CADPS: variants seen among roughly 807,000 people sequenced by gnomAD.
The protein encoded by CADPS is calcium-dependent secretion activator 1.
CADPS carries 57 observed loss-of-function variants against 167.3 expected under a neutral mutation model. That is an observed-to-expected ratio of 0.34 (90% CI 0.28 to 0.42). CADPS has a LOEUF of 0.42. CADPS is among the 20% of genes least tolerant of loss of function. CADPS has a pLI of 1.00. For synonymous variants in CADPS, 676 were observed against 635.3 expected (o/e 1.06, Z -0.96); for missense variants, 1,414 against 1,738.1 (o/e 0.81, Z 3.32).
intron 24 of CADPS, 159 bp from the exon 25 acceptor site, chr3:62,466,572 CT>C: frequency 7.3e-6 from 5 of 681,364 alleles, no homozygotes. Context: ...GACTCCAGTT[CT>C]TTGATAGAGA....
chr3:62,823,102 A>G (rs1358304499), intron 1 of CADPS, among the ~76,000 whole-genome samples: 2 of 152,134 alleles, frequency 1.3e-5, no homozygotes, highest in African/African-American at 2.4e-5. Context: ...AAGAATATCT[A>G]TTATCTTTTC....
At chr3:62,430,049 A>G (rs1321273397) in intron 28 of CADPS, among the ~76,000 whole-genome samples, 1 of 152,218 alleles carries the variant, frequency 6.6e-6, no homozygotes, top group Non-Finnish European at 1.5e-5. Context: ...CTACTTGAAG[A>G]TATGTTACAG....
intron 3 of CADPS, among the ~76,000 whole-genome samples, chr3:62,674,516 TG>T (rs2076047240): frequency 6.6e-6 from 1 of 152,190 alleles, no homozygotes; most frequent in East Asian, 1.9e-4. Context: ...GATTAAGACC[TG>T]TCAAAGAAAC....
At chr3:62,799,000 A>G (rs2093613143) in intron 1 of CADPS, among the ~76,000 whole-genome samples, 1 of 152,164 alleles carries the variant, frequency 6.6e-6, no homozygotes, top group African/African-American at 2.4e-5. Flanking sequence ...AGCCATTCCT[A>G]GTATTACCCT....
chr3:62,474,403 A>T, intron 23 of CADPS, 83 bp from the exon 24 acceptor site: 1 of 1,305,872 alleles, frequency 7.7e-7, no homozygotes, highest in Non-Finnish European at 1.1e-6. Flanking sequence ...GGTCAGTGAA[A>T]AAGAAAATTG....
chr3:62,519,295 T>C (rs2069817445), intron 13 of CADPS, among the ~76,000 whole-genome samples: 1 of 152,180 alleles, frequency 6.6e-6, no homozygotes, highest in East Asian at 1.9e-4. Flanking sequence ...TGGTCTTATT[T>C]ATAGGCCTTC....
At chr3:62,401,161 C>A (rs185578221) in intron 29 of CADPS, among the ~76,000 whole-genome samples, 9 of 152,054 alleles carry the variant, frequency 5.9e-5, no homozygotes, top group Admixed American at 3.3e-4. Flanking sequence ...TTGATGGGGA[C>A]GGGTAAGAGA....
At chr3:62,709,255 C>A (rs2082921969) in intron 3 of CADPS, among the ~76,000 whole-genome samples, 1 of 152,098 alleles carries the variant, frequency 6.6e-6, no homozygotes, top group Admixed American at 6.5e-5. Context: ...CATGCGTGAT[C>A]AGACTTTGAA....
intron 29 of CADPS, among the ~76,000 whole-genome samples, chr3:62,401,979 T>C (rs1028055530): frequency 6.6e-6 from 1 of 152,030 alleles, no homozygotes; most frequent in Non-Finnish European, 1.5e-5. Context: ...CACTTGACGA[T>C]TGAGCTGGTC....
intron 1 of CADPS, among the ~76,000 whole-genome samples, chr3:62,774,630 T>A (rs1003501306): frequency 1.3e-5 from 2 of 152,262 alleles, no homozygotes; most frequent in African/African-American, 4.8e-5. Context: ...CATCATATGT[T>A]AAACTGAAAT....
chr3:62,509,565 T>G (rs1396593141), intron 17 of CADPS, among the ~76,000 whole-genome samples: 1 of 152,100 alleles, frequency 6.6e-6, no homozygotes, highest in Admixed American at 6.5e-5. Flanking sequence ...ATACAAAACC[T>G]CAACATCACA....
At position 62,875,148 on chromosome 3, in the gene CADPS, G is replaced by C. The variant is rs1259973325; in HGVS notation, c.-119C>G. 1.6e-6 allele frequency: 2 copies of C among 1,258,146 alleles called. No individual in the cohort carries two copies. The highest frequency in any genetic ancestry group is 7.0e-5 in the East Asian group (2 of 28,502). The allele number at this position is 1,258,146 out of a possible 1,614,324, so 77.9% of individuals were successfully genotyped here. A position where few individuals can be genotyped will look rare whatever the true frequency, so the allele number is the denominator to read the frequency against. ...TGGGCGCTTCTCCCCAGGTCAGGGA[G>C]CGAGAGCGCTGCTGCTCAGCCTCGG... is the stretch of plus-strand genomic sequence containing the variant. On this transcript the variant is annotated 5_prime_UTR_variant, in exon 1 of 30. Coordinates refer to ENST00000383710, the MANE Select transcript of CADPS (RefSeq NM_003716.4).
In CADPS at chr3:62,536,440, C is replaced by T; in HGVS notation, c.2103+5G>A. The T allele has an allele frequency of 6.2e-7, 1 of 1,611,890 alleles. No individual in the cohort carries two copies. The highest frequency in any genetic ancestry group is 8.5e-7 in the Non-Finnish European group (1 of 1,178,598). ...AAATTGCTGTAGACCAAAGAATATA[C>T]TTGCCAGGCAAGAATAGGAATCATT... On this transcript the variant is annotated splice_donor_5th_base_variant and intron_variant, in intron 12 of 29. Transcript: ENST00000383710.
intron 8 of CADPS, among the ~76,000 whole-genome samples, chr3:62,573,671 C>T (rs1268924265): frequency 6.6e-6 from 1 of 152,196 alleles, no homozygotes; most frequent in East Asian, 1.9e-4. Flanking sequence ...CTTCTCCCTG[C>T]TCCTCATGGG....
intron 11 of CADPS, among the ~76,000 whole-genome samples, chr3:62,543,718 T>C (rs1480732197): frequency 6.6e-6 from 1 of 152,086 alleles, no homozygotes; most frequent in Non-Finnish European, 1.5e-5. Flanking sequence ...AGAAATGATA[T>C]GACCTAGTTC....
chr3:62,514,159 A>G lies in CADPS; in HGVS notation c.2582-1391T>C, dbSNP rs929565095. Among the ~76,000 whole-genome samples, 3 of 152,124 alleles carry G rather than the reference A, an allele frequency of 2.0e-5. No individual in the cohort carries two copies. The highest frequency in any genetic ancestry group is 7.2e-5 in the African/African-American group (3 of 41,446). ...ATTCTCACAGAGGGGCTCAAATGTA[A>G]AAAATGAAAGATTTCTTCTCTGAGG... is the stretch of plus-strand genomic sequence containing the variant. On this transcript the variant is annotated intron_variant, in intron 16 of 29. Coordinates refer to ENST00000383710, the MANE Select transcript of CADPS (RefSeq NM_003716.4). The surrounding 1 kb of genome is among the most constrained non-coding windows in gnomAD (Gnocchi z 4.2).
chr3:62,810,068 C>G (rs1168927926), intron 1 of CADPS, among the ~76,000 whole-genome samples: 1 of 152,156 alleles, frequency 6.6e-6, no homozygotes, highest in Admixed American at 6.5e-5. Context: ...AATTCTAACT[C>G]TGCTGCTAAG....
At chr3:62,844,301 G>A (rs1296725158) in intron 1 of CADPS, among the ~76,000 whole-genome samples, 3 of 152,136 alleles carry the variant, frequency 2.0e-5, no homozygotes, top group African/African-American at 4.8e-5. Flanking sequence ...CTAAGGGAAG[G>A]GGAAATGGGA....
At chr3:62,756,495 G>A (rs2083946316) in intron 2 of CADPS, among the ~76,000 whole-genome samples, 2 of 152,180 alleles carry the variant, frequency 1.3e-5, no homozygotes, top group African/African-American at 4.8e-5. Context: ...CTCTCTAGGT[G>A]GAAGACACTG....
Sources: allele counts gnomAD v4.1 joint callset (sites outside exome capture counted in the v4.1 genomes callset), GRCh38; gene constraint gnomAD v4.1.1; non-coding constraint Gnocchi (gnomAD v3.1); transcripts MANE v1.5; gene names NCBI Gene and HGNC (gene_info 2026-07-23, HGNC 2026-07-21).